LRBA: variants seen among roughly 807,000 people sequenced by gnomAD.
LRBA encodes LPS responsive beige-like anchor protein.
In LRBA, 176 loss-of-function variants were observed where a neutral mutation model predicts 330.0. The ratio of observed to expected loss-of-function variants is 0.53; its 90% CI spans 0.47 to 0.60. The LOEUF is 0.60. Ranked by LOEUF, LRBA falls within the 20% of genes least tolerant of loss-of-function variation. The pLI, the probability that LRBA is intolerant of heterozygous loss-of-function variation, is 0.00. For synonymous variants in LRBA, 1,230 were observed against 1,193.0 expected (o/e 1.03, Z -0.64); for missense variants, 3,259 against 3,444.8 (o/e 0.95, Z 1.35).
Position 150,697,325 on chromosome 4 carries a change from G to GAAAGAAAAAAAAAAAA in LRBA, c.5755-13609_5755-13608insTTTTTTTTTTTTCTTT, listed in dbSNP as rs373474421. Among the ~76,000 whole-genome samples the GAAAGAAAAAAAAAAAA allele has an allele frequency of 3.4e-3, 95 of 28,054 alleles. 10 individuals carry two copies. The highest frequency in any genetic ancestry group is 0.012 in the African/African-American group (94 of 7,602). The allele number at this position is 28,054 out of a possible 152,430, so 18.4% of individuals were successfully genotyped here. Reference sequence around the variant, plus strand: ...GGTGACAGAGTGAGACTTTGTCTCAGAAAAAAAAAAAAAAAAAAAAAAAAA... The same window carrying GAAAGAAAAAAAAAAAA: ...GGTGACAGAGTGAGACTTTGTCTCAGAAAGAAAAAAAAAAAAAAAAAAAAAAAAAAAAAAAAAAAAA... On this transcript the variant is annotated intron_variant, in intron 36 of 56. Coordinates refer to ENST00000651943, the MANE Select transcript of LRBA (RefSeq NM_001364905.1).
At chr4:150,279,283 C>T (rs920212363) in intron 55 of LRBA, among the ~76,000 whole-genome samples, 1 of 152,160 alleles carries the variant, frequency 6.6e-6, no homozygotes, top group African/African-American at 2.4e-5. Context: ...ATTGTCCCTC[C>T]CTCCTCCAAA....
chr4:150,955,809 T>A (rs1023804158), intron 2 of LRBA, among the ~76,000 whole-genome samples: 1 of 147,754 alleles, frequency 6.8e-6, no homozygotes, highest in Non-Finnish European at 1.5e-5. Context: ...GGAGAATCAC[T>A]TGAACCCGGG....
chr4:150,312,720 T>A (rs1731220476), intron 51 of LRBA, among the ~76,000 whole-genome samples: 1 of 152,160 alleles, frequency 6.6e-6, no homozygotes, highest in African/African-American at 2.4e-5. Flanking sequence ...TGATAGACTG[T>A]TAAAATTATA....
chr4:150,545,391 T>A (rs769398439), intron 40 of LRBA, among the ~76,000 whole-genome samples: 2 of 152,184 alleles, frequency 1.3e-5, no homozygotes, highest in Non-Finnish European at 2.9e-5. Flanking sequence ...AAATTTCATA[T>A]CCTTCGTGAT....
intron 44 of LRBA, among the ~76,000 whole-genome samples, chr4:150,462,684 T>TA (rs1338111933): frequency 6.6e-6 from 1 of 151,776 alleles, no homozygotes; most frequent in East Asian, 1.9e-4. Context: ...CAAAATTAAA[T>TA]AGATATAAAT....
intron 40 of LRBA, among the ~76,000 whole-genome samples, chr4:150,494,031 C>G (rs930767172): frequency 3.9e-5 from 6 of 152,176 alleles, no homozygotes; most frequent in Admixed American, 3.9e-4. Flanking sequence ...GCACAGTAAG[C>G]TATGATTGCG....
At chr4:150,827,953 G>A (rs752217457) in intron 30 of LRBA, among the ~76,000 whole-genome samples, 16 of 151,946 alleles carry the variant, frequency 1.1e-4, no homozygotes, top group Non-Finnish European at 1.5e-4. Context: ...TTACCTTACT[G>A]TAAGATTACA....
intron 50 of LRBA, among the ~76,000 whole-genome samples, chr4:150,316,666 T>C (rs1474041071): frequency 1.3e-5 from 2 of 152,164 alleles, no homozygotes; most frequent in Non-Finnish European, 2.9e-5. Flanking sequence ...CTTAATGCCA[T>C]TGATACCGGT....
intron 40 of LRBA, among the ~76,000 whole-genome samples, chr4:150,555,756 AACACAC>A (rs34497958): frequency 1.1e-4 from 16 of 144,698 alleles, no homozygotes; most frequent in South Asian, 6.8e-4. Flanking sequence ...GTCTTATAAA[AACACAC>A]ACACACACAC....
chr4:150,634,456 T>G (rs1777690023), intron 37 of LRBA, among the ~76,000 whole-genome samples: 1 of 152,292 alleles, frequency 6.6e-6, no homozygotes, highest in African/African-American at 2.4e-5. Context: ...AAAAGCCAAT[T>G]AAATTTTTTT....
At chr4:150,831,091 G>C (rs1747112093) in intron 29 of LRBA, among the ~76,000 whole-genome samples, 1 of 151,748 alleles carries the variant, frequency 6.6e-6, no homozygotes, top group African/African-American at 2.4e-5. Flanking sequence ...AACATAAATT[G>C]TAACTCCTGT....
chr4:150,775,794 CAAGA>C (rs1737222584), intron 34 of LRBA, among the ~76,000 whole-genome samples: 1 of 30,088 alleles, frequency 3.3e-5, no homozygotes, highest in African/African-American at 1.4e-4. Flanking sequence ...ATTAGTTCTA[CAAGA>C]AAGAATGAAA....
At position 150,963,505 on chromosome 4, in the gene LRBA, G is replaced by A. The variant is rs193295711; in HGVS notation, c.217-34440C>T. On this transcript the variant is annotated intron_variant, in intron 2 of 56. Coordinates refer to ENST00000651943, the MANE Select transcript of LRBA (RefSeq NM_001364905.1). The stretch of plus-strand genomic sequence containing the variant: ...CTCAGTGCTCAATGGTGCCCAGGCT[G>A]GAGTGCAGTGGCGTGATCTCGAATC... 8.4e-4 allele frequency among the ~76,000 whole-genome samples: 126 copies of A among 149,642 alleles called. 3 individuals carry two copies. Among genetic ancestry groups the A allele is most frequent in the Admixed American group, 8.1e-3 (124 of 15,228 alleles).
intron 40 of LRBA, among the ~76,000 whole-genome samples, chr4:150,549,189 G>A (rs1766244014): frequency 6.6e-6 from 1 of 151,838 alleles, no homozygotes; most frequent in African/African-American, 2.4e-5. Flanking sequence ...GGGTAGCTCT[G>A]TCCTATTACC....
intron 4 of LRBA, among the ~76,000 whole-genome samples, chr4:150,924,265 A>G (rs1579218589): frequency 6.6e-6 from 1 of 152,152 alleles, no homozygotes; most frequent in Non-Finnish European, 1.5e-5. Flanking sequence ...TAATCTCAAC[A>G]CTTTAGGAGG....
At chr4:150,611,905 CTCTT>C (rs945636729) in intron 37 of LRBA, among the ~76,000 whole-genome samples, 2 of 152,076 alleles carry the variant, frequency 1.3e-5, no homozygotes, top group African/African-American at 2.4e-5. Flanking sequence ...CTCTCTCTCT[CTCTT>C]TCTCTCTCTC....
At chr4:150,966,288 T>G (rs1738870382) in intron 2 of LRBA, among the ~76,000 whole-genome samples, 1 of 151,944 alleles carries the variant, frequency 6.6e-6, no homozygotes, top group Non-Finnish European at 1.5e-5. Flanking sequence ...ATCTTACTGC[T>G]TGTTTTGTAT....
intron 42 of LRBA, among the ~76,000 whole-genome samples, chr4:150,477,497 AACTC>A (rs1292830184): frequency 1.4e-4 from 22 of 152,196 alleles, no homozygotes; most frequent in African/African-American, 5.3e-4. Context: ...ATCTCATGAG[AACTC>A]ACTCACTATC....
At chr4:150,495,197 C>A (rs1759445991) in intron 40 of LRBA, among the ~76,000 whole-genome samples, 1 of 152,114 alleles carries the variant, frequency 6.6e-6, no homozygotes, top group African/African-American at 2.4e-5. Flanking sequence ...TATCACTATC[C>A]TTGTTTTTAG....
Sources: gnomAD v4.1 joint callset for allele counts (sites outside exome capture counted in the v4.1 genomes callset) on GRCh38, gnomAD v4.1.1 for gene constraint, MANE v1.5 for transcripts, NCBI Gene and HGNC (gene_info 2026-07-23, HGNC 2026-07-21) for gene names.